Variants in ADARB2 observed in about 807,000 individuals in gnomAD.
ADARB2 encodes adenosine deaminase RNA specific B2 (inactive), also known as inactive double-stranded RNA-specific editase B2.
Under a neutral mutation model 62.2 loss-of-function variants are expected in ADARB2, and 25 were observed. The ratio of observed to expected loss-of-function variants is 0.40; its 90% CI spans 0.29 to 0.56. The LOEUF (loss-of-function observed/expected upper bound fraction) is 0.56. ADARB2 is among the 20% of genes least tolerant of loss of function. The pLI is 0.43. For missense variants in ADARB2, 1,071 were observed against 1,077.4 expected (o/e 0.99, Z 0.08); for synonymous variants, 572 against 500.8 (o/e 1.14, Z -1.90).
In ADARB2 at chr10:1,199,774, T is replaced by C. The variant is rs1836959554; in HGVS notation, c.1864+192A>G. On this transcript the variant is annotated intron_variant, in intron 8 of 9. Transcript: ENST00000381312. Reference sequence around the variant, plus strand: ...CACGAATTCACATCAGGACCTGGCCTATTGCTATATGCAGAGAGATGCTGA... The same window carrying C: ...CACGAATTCACATCAGGACCTGGCCCATTGCTATATGCAGAGAGATGCTGA... 17 of 573,406 alleles carry C rather than the reference T, an allele frequency of 3.0e-5. No individual in the cohort carries two copies. The South Asian group carries it at 5.1e-4, about 17-fold the overall frequency. 35.5% of individuals were successfully genotyped at this position (573,406 alleles called of 1,614,324 possible).
intron 1 of ADARB2, among the ~76,000 whole-genome samples, chr10:1,451,989 G>C (rs1056460036): frequency 6.6e-6 from 1 of 152,170 alleles, no homozygotes; most frequent in African/African-American, 2.4e-5. Context: ...GCTTGTTAAA[G>C]GACAGCCTTA....
At chr10:1,287,862 G>A (rs1168205184) in intron 3 of ADARB2, among the ~76,000 whole-genome samples, 1 of 152,234 alleles carries the variant, frequency 6.6e-6, no homozygotes, top group East Asian at 1.9e-4. Context: ...ATTGTTTTCT[G>A]ATCTAAGCGT....
chr10:1,724,511 G>A (rs35203652), intron 1 of ADARB2, among the ~76,000 whole-genome samples: 7 of 152,110 alleles, frequency 4.6e-5, no homozygotes, highest in East Asian at 3.9e-4. Flanking sequence ...CAGCAGCCTC[G>A]GAGGCTCCTT....
intron 1 of ADARB2, among the ~76,000 whole-genome samples, chr10:1,568,378 G>T (rs1035996620): frequency 6.6e-6 from 1 of 152,192 alleles, no homozygotes; most frequent in Non-Finnish European, 1.5e-5. Flanking sequence ...GGGCCTCAGC[G>T]AACACACGGT....
Position 1,178,074 on chromosome 10 carries a change from C to T in ADARB2, c.*5119G>A, listed in dbSNP as rs969745994. 16 of 152,264 alleles carry T rather than the reference C, an allele frequency of 1.1e-4. No homozygotes were observed. Among genetic ancestry groups the T allele is most frequent in the African/African-American group, 3.6e-4 (15 of 41,454 alleles). The allele number at this position is 152,264 out of a possible 1,614,324, so 9.4% of individuals were successfully genotyped here. ...GAGAGTCCAAAAATGACTGCAGCAACTCCCTGTGCACAAGGCATCAGGAAC... is the reference window on the plus strand; with the variant it reads ...GAGAGTCCAAAAATGACTGCAGCAATTCCCTGTGCACAAGGCATCAGGAAC... On this transcript the variant is annotated 3_prime_UTR_variant, in exon 10 of 10. Coordinates refer to ENST00000381312, the MANE Select transcript of ADARB2 (RefSeq NM_018702.4).
chr10:1,615,319 T>C lies in ADARB2; in HGVS notation c.100+121732A>G, dbSNP rs1009870168. Among the ~76,000 whole-genome samples, 3 of 152,076 alleles carry C rather than the reference T, an allele frequency of 2.0e-5. No individual in the cohort carries two copies. The East Asian group carries it at 5.8e-4, about 30-fold the overall frequency. On this transcript the variant is annotated intron_variant, in intron 1 of 9. Coordinates refer to ENST00000381312, the MANE Select transcript of ADARB2 (RefSeq NM_018702.4). ...GCTGTGCTCACAGCAGCCTTCCAGA[T>C]TGAAGTGTGCCTGCCCCTCCCCAGA...
chr10:1,614,404 GA>G (rs1461981443), intron 1 of ADARB2, among the ~76,000 whole-genome samples: 1 of 152,150 alleles, frequency 6.6e-6, no homozygotes, highest in African/African-American at 2.4e-5. Flanking sequence ...AAAGAATACA[GA>G]AAAAGCAATG....
At chr10:1,462,829 CATGTGTGT>C (rs1831196005) in intron 1 of ADARB2, among the ~76,000 whole-genome samples, 1 of 151,904 alleles carries the variant, frequency 6.6e-6, no homozygotes, top group African/African-American at 2.4e-5. Context: ...GTGTAGTGTG[CATGTGTGT>C]ATGTACATGT....
At chr10:1,687,551 C>T (rs1834612036) in intron 1 of ADARB2, among the ~76,000 whole-genome samples, 2 of 151,862 alleles carry the variant, frequency 1.3e-5, no homozygotes, top group Admixed American at 6.6e-5. Context: ...CCTCATTATT[C>T]TCTTTGATTG....
At chr10:1,466,085 G>A (rs1452871788) in intron 1 of ADARB2, among the ~76,000 whole-genome samples, 1 of 152,226 alleles carries the variant, frequency 6.6e-6, no homozygotes, top group Non-Finnish European at 1.5e-5. Flanking sequence ...ACACGACCCA[G>A]GCAAGACCTC....
intron 3 of ADARB2, among the ~76,000 whole-genome samples, chr10:1,326,551 C>G (rs1831848189): frequency 6.6e-6 from 1 of 152,198 alleles, no homozygotes; most frequent in South Asian, 2.1e-4. Context: ...GGGAAAGTAA[C>G]TTTTCTCTGG....
chr10:1,640,604 C>T (rs1269058734), intron 1 of ADARB2, among the ~76,000 whole-genome samples: 1 of 152,088 alleles, frequency 6.6e-6, no homozygotes, highest in Non-Finnish European at 1.5e-5. Flanking sequence ...AGATAACAAA[C>T]TACGTAGGTG....
chr10:1,529,702 G>C (rs61831923), intron 1 of ADARB2, among the ~76,000 whole-genome samples: 2 of 152,086 alleles, frequency 1.3e-5, no homozygotes, highest in South Asian at 4.1e-4. Flanking sequence ...GGAGGGGGAG[G>C]CTTCCCCAGG....
intron 3 of ADARB2, among the ~76,000 whole-genome samples, chr10:1,289,321 C>T (rs1831442937): frequency 6.6e-6 from 1 of 152,260 alleles, no homozygotes; most frequent in African/African-American, 2.4e-5. Flanking sequence ...ATGTATAAAA[C>T]CAAGCTGTGC....
intron 3 of ADARB2, among the ~76,000 whole-genome samples, chr10:1,354,257 C>A (rs531463127): frequency 2.6e-5 from 4 of 152,180 alleles, no homozygotes; most frequent in Non-Finnish European, 5.9e-5. Flanking sequence ...CCATCATATT[C>A]GCTGTGACCT....
intron 3 of ADARB2, among the ~76,000 whole-genome samples, chr10:1,334,824 G>T (rs946644875): frequency 6.6e-6 from 1 of 152,204 alleles, no homozygotes; most frequent in Non-Finnish European, 1.5e-5. Flanking sequence ...TCACTTCTGG[G>T]ACTGGAGCTG....
rs1263939553 is a variant in ADARB2 at position 1,327,736 on chromosome 10, GGCACAGCGCCTCACT to G, written c.1077+35277_1077+35291del. ...CTACCCACAGTTCAGCACCTCCCAC[GGCACAGCGCCTCACT>G]GCACAGCGCCTCCTCACAGCTCAGC... On this transcript the variant is annotated intron_variant, in intron 3 of 9. Coordinates refer to ENST00000381312, the MANE Select transcript of ADARB2 (RefSeq NM_018702.4). Among the ~76,000 whole-genome samples the G allele has an allele frequency of 3.6e-4, 15 of 41,270 alleles. 4 individuals are homozygous for G. Among genetic ancestry groups the G allele is most frequent in the Admixed American group, 2.9e-3 (13 of 4,500 alleles). The allele number at this position is 41,270 out of a possible 152,430, so 27.1% of individuals were successfully genotyped here.
In ADARB2 at chr10:1,335,404, C is replaced by T. The variant is rs374182338; in HGVS notation, c.1077+27624G>A. Among the ~76,000 whole-genome samples, 9 of 132,424 alleles carry T rather than the reference C, an allele frequency of 6.8e-5. No homozygotes were observed. In the East Asian group the frequency reaches 7.2e-4, roughly 11 times the overall value. The allele number at this position is 132,424 out of a possible 152,430, so 86.9% of individuals were successfully genotyped here. Reference sequence around the variant, plus strand: ...GAGAAAAGGATAGAGGGGTGGATGACGGAAGGGATGGAGGGAAGGATGGAG... The same window carrying T: ...GAGAAAAGGATAGAGGGGTGGATGATGGAAGGGATGGAGGGAAGGATGGAG... On this transcript the variant is annotated intron_variant, in intron 3 of 9. Coordinates refer to ENST00000381312, the MANE Select transcript of ADARB2 (RefSeq NM_018702.4).
Position 1,220,183 on chromosome 10 carries a change from GTGGTGA to G in ADARB2, c.1514-3070_1514-3065del, listed in dbSNP as rs541497403. Among the ~76,000 whole-genome samples, 252 of 120,656 alleles carry G rather than the reference GTGGTGA, an allele frequency of 2.1e-3. 2 individuals carry two copies. The highest frequency in any genetic ancestry group is 8.0e-3 in the African/African-American group (240 of 30,108). The allele number at this position is 120,656 out of a possible 152,430, so 79.2% of individuals were successfully genotyped here. A position where few individuals can be genotyped will look rare whatever the true frequency, so the allele number is the denominator to read the frequency against. The stretch of plus-strand genomic sequence containing the variant: ...GATGGTAATGATGGTGGTGATGATG[GTGGTGA>G]TGATGATGATGGTAATGGTGGTGAT... On this transcript the variant is annotated intron_variant, in intron 6 of 9. Coordinates refer to ENST00000381312, the MANE Select transcript of ADARB2 (RefSeq NM_018702.4).
Sources: gnomAD v4.1 joint callset for allele counts (sites outside exome capture counted in the v4.1 genomes callset) on GRCh38, gnomAD v4.1.1 for gene constraint, MANE v1.5 for transcripts, NCBI Gene and HGNC (gene_info 2026-07-23, HGNC 2026-07-21) for gene names.